The following ZNF292 variants were observed in gnomAD, a reference collection of about 807,000 sequenced individuals.
ZNF292 encodes the protein zinc finger protein 292.
A neutral mutation model predicts 217.9 loss-of-function variants in ZNF292; 26 were observed. That is an observed-to-expected ratio of 0.12 (90% confidence interval 0.09 to 0.17). ZNF292 has a LOEUF of 0.17. ZNF292 is among the 10% of genes least tolerant of loss of function. ZNF292 has a pLI of 1.00. For synonymous variants in ZNF292, 1,257 were observed against 1,124.1 expected (o/e 1.12, Z -2.37); for missense variants, 2,904 against 3,175.2 (o/e 0.91, Z 2.05).
chr6:87,253,332 G>A (rs1047632335), intron 7 of ZNF292, among the ~76,000 whole-genome samples: 2 of 149,100 alleles, frequency 1.3e-5, no homozygotes, highest in African/African-American at 2.5e-5. Flanking sequence ...AGGTTCAAGC[G>A]ATCCTCCTTC....
intron 4 of ZNF292, among the ~76,000 whole-genome samples, chr6:87,228,878 GTTCT>G (rs1291188186): frequency 6.6e-6 from 1 of 151,940 alleles, no homozygotes; most frequent in Non-Finnish European, 1.5e-5. Context: ...CAACTTTGTT[GTTCT>G]TTGTCAGTTA....
rs535457981 is a variant in ZNF292, at chr6:87,218,526, A to C, written c.403-70A>C. 9.0e-6 allele frequency: 12 copies of C among 1,332,840 alleles called. No homozygotes were observed. The African/African-American group carries it at 1.3e-4, about 15-fold the overall frequency. 82.6% of individuals were successfully genotyped at this position (1,332,840 alleles called of 1,614,324 possible). On this transcript the variant is annotated intron_variant, in intron 3 of 7. Transcript: ENST00000369577. ...AGTCTTTTCAGAAGTTTAGTGTTAT[A>C]TTTAAAGCCTGATAAGCTTGCTTTT...
chr6:87,260,671 A>G lies in ZNF292; in HGVS notation c.7042A>G (p.Ile2348Val). Residue 2348 changes from isoleucine to valine, a missense_variant, in exon 8 of 8, where the codon ATT (isoleucine) becomes GTT (valine). Ile to Val is a conservative substitution (Grantham distance 29). This residue lies in a region of ZNF292 where 101 missense variants were observed against 89.5 expected (regional missense o/e 1.13). Transcript: ENST00000369577. ...TAATTTAGAAAACAAGAATGCAAAGATTGTGCAGATTGAAGAAAATAAGCC... is the reference window on the plus strand; with the variant it reads ...TAATTTAGAAAACAAGAATGCAAAGGTTGTGCAGATTGAAGAAAATAAGCC... ...KNNLENKNAK[I>V]VQIEENKPYS... is the part of the protein sequence containing the mutation. The G allele has an allele frequency of 6.2e-7, 1 of 1,612,544 alleles. No homozygotes were observed. The highest frequency in any genetic ancestry group is 8.5e-7 in the Non-Finnish European group (1 of 1,179,476).
chr6:87,175,385 G>A (rs73501662), intron 1 of ZNF292, among the ~76,000 whole-genome samples: 12,417 of 152,186 alleles, frequency 0.082, 858 homozygotes, highest in African/African-American at 0.19. Flanking sequence ...TTTTACCCAG[G>A]AGTGCAGTGG....
chr6:87,198,180 TTTTATTTATTTATTTA>T lies in ZNF292; in HGVS notation c.169-17699_169-17684del, dbSNP rs146558783. On this transcript the variant is annotated intron_variant, in intron 1 of 7. Transcript: ENST00000369577. The stretch of plus-strand genomic sequence containing the variant: ...TAACCAAGTCACCATTGCATGTTTA[TTTTATTTATTTATTTA>T]TTTATTTATTTATTTATTTATTTTT... Among the ~76,000 whole-genome samples the T allele has an allele frequency of 9.7e-3, 1,427 of 147,624 alleles. 20 individuals carry two copies. Among genetic ancestry groups the T allele is most frequent in the African/African-American group, 0.034 (1,337 of 39,602 alleles).
intron 1 of ZNF292, among the ~76,000 whole-genome samples, chr6:87,172,306 C>T (rs1376264649): frequency 6.6e-6 from 1 of 152,152 alleles, no homozygotes; most frequent in African/African-American, 2.4e-5. Flanking sequence ...CATCCGACTA[C>T]TCCTCCAAGA....
At chr6:87,161,390 A>G (rs551072948) in intron 1 of ZNF292, among the ~76,000 whole-genome samples, 2 of 152,358 alleles carry the variant, frequency 1.3e-5, no homozygotes, top group East Asian at 3.9e-4. Flanking sequence ...AAAGATGTCA[A>G]AAGGCAGTGT....
intron 1 of ZNF292, among the ~76,000 whole-genome samples, chr6:87,193,170 C>T (rs527538695): frequency 2.6e-5 from 4 of 152,138 alleles, no homozygotes; most frequent in Non-Finnish European, 4.4e-5. Flanking sequence ...ATCTAAGAAC[C>T]CTAAATTAGA....
intron 1 of ZNF292, among the ~76,000 whole-genome samples, chr6:87,156,886 CTT>C (rs1192960923): frequency 1.3e-5 from 2 of 152,148 alleles, no homozygotes; most frequent in Non-Finnish European, 2.9e-5. Context: ...CTGGTGAAGA[CTT>C]TGATTTGATT....
chr6:87,172,829 C>T (rs965329460), intron 1 of ZNF292, among the ~76,000 whole-genome samples: 2 of 151,744 alleles, frequency 1.3e-5, no homozygotes, highest in Admixed American at 6.6e-5. Context: ...ATCACCTGAG[C>T]CTGGGAAGTC....
At chr6:87,239,124 C>T (rs1460198734) in intron 5 of ZNF292, among the ~76,000 whole-genome samples, 1 of 152,244 alleles carries the variant, frequency 6.6e-6, no homozygotes, top group Admixed American at 6.5e-5. Flanking sequence ...TATCTTTTCC[C>T]CACATTTCCC....
chr6:87,239,758 G>A lies in ZNF292; in HGVS notation c.742-3717G>A, dbSNP rs1448269764. Among the ~76,000 whole-genome samples the A allele has an allele frequency of 5.4e-5, 8 of 147,758 alleles. 1 individual carries two copies. Among genetic ancestry groups the A allele is most frequent in the Non-Finnish European group, 8.9e-5 (6 of 67,090 alleles). ...GCGCTCCTCACATCCCAGATGGGGC[G>A]GTGGGGCAGAGGCGCTCCCCACATC... On this transcript the variant is annotated intron_variant, in intron 5 of 7. Transcript: ENST00000369577.
At chr6:87,163,109 A>G (rs1191859962) in intron 1 of ZNF292, among the ~76,000 whole-genome samples, 1 of 152,198 alleles carries the variant, frequency 6.6e-6, no homozygotes, top group African/African-American at 2.4e-5. Context: ...AAGAAAGACT[A>G]AAGTCTCTAA....
Position 87,245,518 on chromosome 6 carries a change from T to C in ZNF292, c.894T>C (p.Phe298=), listed in dbSNP as rs1227153436. Residue 298 remains phenylalanine (F), a synonymous_variant, in exon 7 of 8, where the codon TTT becomes TTC. Transcript: ENST00000369577. ...DMYCAWELTL[F]WSKLQQRVEP... is the part of the protein sequence containing the mutation. Reference sequence around the variant, plus strand: ...TTTTTTTAAGGGAACTTACTCTCTTTTGGAGTAAATTACAACAAAGAGTAG... The same window carrying C: ...TTTTTTTAAGGGAACTTACTCTCTTCTGGAGTAAATTACAACAAAGAGTAG... 17 of 1,522,714 alleles carry C rather than the reference T, an allele frequency of 1.1e-5. No homozygotes were observed. Among genetic ancestry groups the C allele is most frequent in the Non-Finnish European group, 1.5e-5 (17 of 1,139,456 alleles). 94.3% of individuals were successfully genotyped at this position (1,522,714 alleles called of 1,614,324 possible).
chr6:87,258,735 A>T lies in ZNF292; in HGVS notation c.5106A>T (p.Val1702=). The change falls in exon 8 of 8, where the codon GTA becomes GTT. Residue 1702 remains valine, a synonymous_variant. Transcript: ENST00000369577. The part of the protein sequence containing the change: ...NVNNQLFMTD[V]KENFKTSLES... ...ACAATCAGTTATTTATGACTGATGTAAAAGAGAATTTCAAAACCAGTCTTG... is the reference window on the plus strand; with the variant it reads ...ACAATCAGTTATTTATGACTGATGTTAAAGAGAATTTCAAAACCAGTCTTG... 1 of 1,613,466 alleles carries T rather than the reference A, an allele frequency of 6.2e-7. No homozygotes were observed. Among genetic ancestry groups the T allele is most frequent in the Non-Finnish European group, 8.5e-7 (1 of 1,179,666 alleles).
In ZNF292 at chr6:87,216,106, TAGACACACACACAC is replaced by T. The variant is rs1236133030; in HGVS notation, c.323+51_323+64del. 2.0e-4 allele frequency: 187 copies of T among 951,996 alleles called. 2 individuals carry two copies. In the African/African-American group the frequency reaches 3.1e-3, roughly 16 times the overall value. 59.0% of individuals were successfully genotyped at this position (951,996 alleles called of 1,614,324 possible). The stretch of plus-strand genomic sequence containing the variant: ...AACTAGATTTAGCTTTAAAAATACA[TAGACACACACACAC>T]ACACACACACACACACACACACACA... On this transcript the variant is annotated intron_variant, in intron 2 of 7. Transcript: ENST00000369577.
rs60845773 is a variant in ZNF292, at chr6:87,264,432, T to A, written c.*2631T>A. On this transcript the variant is annotated 3_prime_UTR_variant, in exon 8 of 8. Coordinates refer to ENST00000369577, the MANE Select transcript of ZNF292 (RefSeq NM_015021.3). ...TTATTTTAAAGGGCTAGACATATTT[T>A]TAAGGCAAATTTTTATCAAGTGAGC... Among the ~76,000 whole-genome samples the A allele has an allele frequency of 5.9e-5, 9 of 152,186 alleles. No individual in the cohort carries two copies. The highest frequency in any genetic ancestry group is 1.3e-4 in the Non-Finnish European group (9 of 68,048).
At position 87,255,573 on chromosome 6, in the gene ZNF292, T is replaced by C. The variant is rs1409789282; in HGVS notation, c.1944T>C (p.Phe648=). The change falls in exon 8 of 8, where the codon TTT becomes TTC. Residue 648 remains phenylalanine, a synonymous_variant. Coordinates refer to ENST00000369577, the MANE Select transcript of ZNF292 (RefSeq NM_015021.3). The part of the protein sequence containing the change: ...NSLYSTDFIV[F]NDNDGSDDEN... ...TCTATTCAACAGATTTTATAGTGTT[T>C]AATGACAATGATGGTTCAGATGATG... is the stretch of plus-strand genomic sequence containing the variant. 6.2e-7 allele frequency: 1 copy of C among 1,610,684 alleles called. No individual in the cohort carries two copies. The highest frequency in any genetic ancestry group is 2.2e-5 in the East Asian group (1 of 44,852).
At chr6:87,196,310 T>C (rs1771951924) in intron 1 of ZNF292, among the ~76,000 whole-genome samples, 1 of 152,230 alleles carries the variant, frequency 6.6e-6, no homozygotes, top group African/African-American at 2.4e-5. Context: ...CATCTTTTGG[T>C]CATAACCAGT....
Sources: allele counts gnomAD v4.1 joint callset (sites outside exome capture counted in the v4.1 genomes callset), GRCh38; gene constraint gnomAD v4.1.1; regional missense constraint gnomAD v4.1.1; transcripts MANE v1.5; gene names NCBI Gene and HGNC (gene_info 2026-07-23, HGNC 2026-07-21).